PREX1: variants seen among roughly 807,000 people sequenced by gnomAD.
The protein encoded by PREX1 is phosphatidylinositol 3,4,5-trisphosphate-dependent Rac exchanger 1 protein.
Under a neutral mutation model 198.3 loss-of-function variants are expected in PREX1, and 41 were observed. That is an observed-to-expected ratio of 0.21 (90% CI 0.16 to 0.27). PREX1 has a LOEUF of 0.27. Among genes scored for constraint, PREX1 ranks in the 10% least tolerant of loss-of-function variants. The pLI is 1.00. For synonymous variants in PREX1, 843 were observed against 887.2 expected (o/e 0.95, Z 0.89); for missense variants, 1,620 against 2,200.7 (o/e 0.74, Z 5.28).
intron 2 of PREX1, 102 bp from the exon 3 acceptor site, chr20:48,745,249 CAAA>C: frequency 7.8e-7 from 1 of 1,288,392 alleles, no homozygotes; most frequent in Non-Finnish European, 1.1e-6. Context: ...ACATTGTAGT[CAAA>C]GAAGAACTCT....
intron 30 of PREX1, among the ~76,000 whole-genome samples, chr20:48,639,356 C>T (rs1244430364): frequency 1.3e-5 from 2 of 152,200 alleles, no homozygotes; most frequent in Admixed American, 1.3e-4. Flanking sequence ...GCTGCAGCAT[C>T]GAAACCTATC....
intron 5 of PREX1, among the ~76,000 whole-genome samples, chr20:48,712,215 CTT>C (rs1344782712): frequency 2.0e-5 from 3 of 152,200 alleles, no homozygotes; most frequent in African/African-American, 7.2e-5. Context: ...CAGGCAGGTG[CTT>C]TTACTATCCC....
At chr20:48,639,356 C>A (rs1244430364) in intron 30 of PREX1, among the ~76,000 whole-genome samples, 1 of 152,200 alleles carries the variant, frequency 6.6e-6, no homozygotes, top group Non-Finnish European at 1.5e-5. Context: ...GCTGCAGCAT[C>A]GAAACCTATC....
At chr20:48,883,316 G>T in the PREX1 span, among the ~76,000 whole-genome samples, 1 of 152,028 alleles carries the variant, frequency 6.6e-6, no homozygotes, top group East Asian at 1.9e-4. Flanking sequence ...GATGGTGAAT[G>T]AATGCTTTCC....
intron 4 of PREX1, among the ~76,000 whole-genome samples, chr20:48,731,053 T>C (rs931064806): frequency 6.6e-6 from 1 of 151,994 alleles, no homozygotes; most frequent in African/African-American, 2.4e-5. Context: ...GACTAAATGC[T>C]CCTTCATTAC....
Position 48,729,666 on chromosome 20 carries a change from G to A in PREX1, c.520-3275C>T, listed in dbSNP as rs188497215. Among the ~76,000 whole-genome samples the A allele has an allele frequency of 1.1e-4, 16 of 152,234 alleles. No individual in the cohort carries two copies. The East Asian group carries it at 2.9e-3, about 28-fold the overall frequency. On this transcript the variant is annotated intron_variant, in intron 4 of 39. Transcript: ENST00000371941. Reference sequence around the variant, plus strand: ...ATTTATATCCAAAGTCAATGATCAGGCAAATTGTGTCAGCTCAGGCCCTCA... The same window carrying A: ...ATTTATATCCAAAGTCAATGATCAGACAAATTGTGTCAGCTCAGGCCCTCA...
chr20:48,868,348 G>A, the PREX1 span, among the ~76,000 whole-genome samples: 3 of 151,402 alleles, frequency 2.0e-5, no homozygotes, highest in South Asian at 2.1e-4. Flanking sequence ...ACAGAGTTTC[G>A]CTCTTGTTAC....
intron 5 of PREX1, among the ~76,000 whole-genome samples, chr20:48,716,991 C>G (rs1406570493): frequency 1.3e-5 from 2 of 152,192 alleles, no homozygotes; most frequent in African/African-American, 2.4e-5. Context: ...CAGACCTACC[C>G]TTGGTCTTTT....
At position 48,681,283 on chromosome 20, in the gene PREX1, C is replaced by A; in HGVS notation, c.1387G>T (p.Gly463Ter). The stretch of plus-strand genomic sequence containing the variant: ...AACAGGGCTTGGCCCAAGTTGACTC[C>A]TTCTTCCGTCTTGCTGATTTCACCA... The part of the protein sequence containing the change: ...EIGEISKTEE[G>*]VNLGQALLEN... The change falls in exon 11 of 40, where the codon GGA (glycine) becomes TGA (stop). Residue 463 changes from glycine to a stop codon, truncating the protein, a stop_gained. Coordinates refer to ENST00000371941, the MANE Select transcript of PREX1 (RefSeq NM_020820.4). LOFTEE classifies it high-confidence loss of function. The A allele has an allele frequency of 6.2e-7, 1 of 1,614,242 alleles. No homozygotes were observed. The highest frequency in any genetic ancestry group is 8.5e-7 in the Non-Finnish European group (1 of 1,180,050).
chr20:48,740,458 C>T (rs560703234), intron 3 of PREX1, among the ~76,000 whole-genome samples: 2 of 152,240 alleles, frequency 1.3e-5, no homozygotes, highest in Non-Finnish European at 2.9e-5. Context: ...GGTGCAAAGG[C>T]CTTGCCCACT....
At chr20:48,796,523 G>T (rs1393575281) in intron 1 of PREX1, among the ~76,000 whole-genome samples, 1 of 152,020 alleles carries the variant, frequency 6.6e-6, no homozygotes, top group East Asian at 1.9e-4. Flanking sequence ...GCTGCCTCTG[G>T]GGAGGGAACT....
Position 48,639,870 on chromosome 20 carries a change from G to A in PREX1, c.3800C>T (p.Thr1267Ile). 6.2e-7 allele frequency: 1 copy of A among 1,614,028 alleles called. No homozygotes were observed. Among genetic ancestry groups the A allele is most frequent in the Non-Finnish European group, 8.5e-7 (1 of 1,179,938 alleles). ...CTGGATCAGGCTCCGGCCACGGATT[G>A]TACACTCTTCTTTCTGTTTAAACTC... Reference protein sequence around the residue: ...LQEFKQKEECTIRGRSLIQIS... With the variant: ...LQEFKQKEECIIRGRSLIQIS... Residue 1267 changes from threonine (T) to isoleucine (I), a missense_variant, in exon 30 of 40, where the codon ACA (threonine) becomes ATA (isoleucine). Transcript: ENST00000371941.
chr20:48,742,302 A>G lies in PREX1; in HGVS notation c.414+2723T>C, dbSNP rs537750236. 4.3e-4 allele frequency among the ~76,000 whole-genome samples: 65 copies of G among 152,308 alleles called. 1 individual carries two copies. Among genetic ancestry groups the G allele is most frequent in the African/African-American group, 1.5e-3 (64 of 41,562 alleles). On this transcript the variant is annotated intron_variant, in intron 3 of 39. Coordinates refer to ENST00000371941, the MANE Select transcript of PREX1 (RefSeq NM_020820.4). ...CGTGAACAGATGCGCACATTACCCA[A>G]GTGAGAAACAATTCCTGAGCACTTA...
the PREX1 span, among the ~76,000 whole-genome samples, chr20:48,836,232 G>T: frequency 8.5e-5 from 13 of 152,268 alleles, no homozygotes; most frequent in African/African-American, 2.6e-4. Context: ...CAATCCTGAG[G>T]TTCCAGGGAG....
the PREX1 span, among the ~76,000 whole-genome samples, chr20:48,879,431 T>G: frequency 1.3e-5 from 2 of 152,200 alleles, no homozygotes; most frequent in East Asian, 3.8e-4. Context: ...AACAGTACTG[T>G]TCTGAATCTC....
At chr20:48,689,378 A>T (rs1267713523) in intron 9 of PREX1, among the ~76,000 whole-genome samples, 1 of 152,240 alleles carries the variant, frequency 6.6e-6, no homozygotes, top group Non-Finnish European at 1.5e-5. Flanking sequence ...TGCCATAATT[A>T]TCCCCGTTTT....
intron 6 of PREX1, among the ~76,000 whole-genome samples, chr20:48,707,968 A>G (rs1313999488): frequency 6.6e-6 from 1 of 152,142 alleles, no homozygotes; most frequent in Non-Finnish European, 1.5e-5. Flanking sequence ...TGCATGAAAG[A>G]GAAGGGGTGG....
intron 5 of PREX1, among the ~76,000 whole-genome samples, chr20:48,716,931 C>T (rs1054994696): frequency 1.1e-4 from 17 of 152,220 alleles, no homozygotes; most frequent in Non-Finnish European, 1.9e-4. Context: ...CATGGACAGA[C>T]GGAGTCAGGA....
chr20:48,795,962 G>C (rs2090360637), intron 1 of PREX1, among the ~76,000 whole-genome samples: 2 of 152,126 alleles, frequency 1.3e-5, no homozygotes, highest in African/African-American at 4.8e-5. Flanking sequence ...ATCGATGTGT[G>C]GCAATGACAT....
Sources: gnomAD v4.1 joint callset for allele counts (sites outside exome capture counted in the v4.1 genomes callset) on GRCh38, gnomAD v4.1.1 for gene constraint, MANE v1.5 for transcripts, NCBI Gene and HGNC (gene_info 2026-07-23, HGNC 2026-07-21) for gene names.